Variants in COL2A1 observed in about 807,000 individuals in gnomAD.
COL2A1 encodes the protein collagen alpha-1(II) chain.
COL2A1 carries 28 observed loss-of-function variants against 204.5 expected under a neutral mutation model. The ratio of observed to expected loss-of-function variants is 0.14; its 90% CI spans 0.10 to 0.19. The LOEUF (loss-of-function observed/expected upper bound fraction) is 0.19, where lower values mean the gene tolerates loss of function less well. COL2A1 is among the 10% of genes least tolerant of loss of function. The pLI, the probability that COL2A1 is intolerant of heterozygous loss-of-function variation, is 1.00. For synonymous variants in COL2A1, 708 were observed against 718.7 expected (o/e 0.99, Z 0.24); for missense variants, 1,388 against 2,027.5 (o/e 0.68, Z 6.06).
At chr12:47,995,992 C>T in intron 8 of COL2A1, 73 bp from the exon 9 acceptor site, 1 of 1,216,602 alleles carries the variant, frequency 8.2e-7, no homozygotes, top group Non-Finnish European at 1.2e-6. Flanking sequence ...CATCTTCTCC[C>T]AGCCAACAGC....
At position 47,997,672 on chromosome 12, in the gene COL2A1, A is replaced by G; in HGVS notation, c.465T>C (p.Pro155=). The G allele has an allele frequency of 6.2e-7, 1 of 1,614,100 alleles. No homozygotes were observed. Among genetic ancestry groups the G allele is most frequent in the Non-Finnish European group, 8.5e-7 (1 of 1,180,002 alleles). ...APGPRGRDGE[P]GTPGNPGPPG... is the part of the protein sequence containing the mutation. ...GGGGGCCAGGATTTCCAGGGGTCCC[A>G]GGTTCTCCATCTCTGCCACGAGGTC... The change falls in exon 7 of 54, where the codon CCT becomes CCC. Residue 155 remains proline (P), a synonymous_variant. Transcript: ENST00000380518.
At chr12:47,988,569 T>G (rs1939549459) in intron 18 of COL2A1, 1 of 158,774 alleles carries the variant, frequency 6.3e-6, no homozygotes, top group Admixed American at 5.9e-5. Context: ...CTCCGGGACC[T>G]CAGACACTGT....
At chr12:47,984,274 C>T (rs1231072096) in intron 28 of COL2A1, 134 bp from the exon 29 acceptor site, 8 of 851,892 alleles carry the variant, frequency 9.4e-6, no homozygotes, top group East Asian at 2.6e-5. Context: ...TCCATTTCCA[C>T]ACCTTCCCCT....
At chr12:48,002,375 A>G (rs2136645363) in intron 1 of COL2A1, among the ~76,000 whole-genome samples, 1 of 152,328 alleles carries the variant, frequency 6.6e-6, no homozygotes, top group South Asian at 2.1e-4. Context: ...CCTGACGTCC[A>G]CGCAGACTGC....
rs1793911 is a variant in COL2A1, at chr12:47,993,274, G to C, written c.969+184C>G. 0.49 allele frequency among the ~76,000 whole-genome samples: 75,025 copies of C among 151,958 alleles called. 18,844 individuals carry two copies. The highest frequency in any genetic ancestry group is 0.58 in the East Asian group (2,993 of 5,156). ...GAGCATCTTTAGTGTGATAAAATGG[G>C]TATCTTAAGGAAATGTTGGTGAAAT... On this transcript the variant is annotated intron_variant, in intron 15 of 53. Coordinates refer to ENST00000380518, the MANE Select transcript of COL2A1 (RefSeq NM_001844.5).
intron 2 of COL2A1, among the ~76,000 whole-genome samples, chr12:47,999,349 C>T (rs1481602031): frequency 1.3e-5 from 2 of 152,324 alleles, no homozygotes; most frequent in South Asian, 2.1e-4. Context: ...TAGCCCTTCC[C>T]TCTCCTATTA....
intron 52 of COL2A1, 136 bp from the exon 53 acceptor site, chr12:47,974,467 T>C (rs1938591910): frequency 2.9e-6 from 4 of 1,358,496 alleles, no homozygotes; most frequent in Non-Finnish European, 4.1e-6. Flanking sequence ...TTGGACATTT[T>C]TGCTTCCAGG....
Position 47,973,567 on chromosome 12 carries a change from A to T in COL2A1, c.4318-14T>A, listed in dbSNP as rs1157651572. 1.2e-6 allele frequency: 2 copies of T among 1,613,862 alleles called. No homozygotes were observed. Among genetic ancestry groups the T allele is most frequent in the Admixed American group, 1.7e-5 (1 of 59,978 alleles). On this transcript the variant is annotated splice_polypyrimidine_tract_variant and intron_variant, in intron 53 of 53. Coordinates refer to ENST00000380518, the MANE Select transcript of COL2A1 (RefSeq NM_001844.5). The stretch of plus-strand genomic sequence containing the variant: ...ACCGGTATGTTTCTAGGGGAGAAAA[A>T]AGGAGGAGGCTCTGTTCAGTAGATG...
At chr12:47,986,551 G>GT (rs548290809) in intron 22 of COL2A1, 108 bp from the exon 23 acceptor site, 2 of 775,628 alleles carry the variant, frequency 2.6e-6, no homozygotes, top group Non-Finnish European at 4.3e-6. Context: ...TCAGGGCTGG[G>GT]GGGGGGCTTG....
At chr12:47,990,573 C>T (rs1377661275) in intron 16 of COL2A1, among the ~76,000 whole-genome samples, 2 of 152,190 alleles carry the variant, frequency 1.3e-5, no homozygotes, top group Non-Finnish European at 2.9e-5. Flanking sequence ...TCCTCTGGCC[C>T]ATCCCCAGAC....
At chr12:47,985,279 G>T (rs1041781652) in intron 26 of COL2A1, among the ~76,000 whole-genome samples, 186 bp from the exon 27 acceptor site, 52 of 152,248 alleles carry the variant, frequency 3.4e-4, no homozygotes, top group Admixed American at 3.0e-3. Context: ...TTAGAAAGCT[G>T]CCCCAGAAAG....
chr12:47,996,249 C>T (rs1184023656), intron 8 of COL2A1, among the ~76,000 whole-genome samples: 1 of 152,236 alleles, frequency 6.6e-6, no homozygotes, highest in Non-Finnish European at 1.5e-5. Flanking sequence ...AGAACAGTAG[C>T]TGCTGTCTGC....
rs41317885 is a variant in COL2A1, at chr12:47,996,433, C to T, written c.609+115G>A. On this transcript the variant is annotated intron_variant, in intron 8 of 53. Transcript: ENST00000380518. Reference sequence around the variant, plus strand: ...AGCTGAATGGGAGGTTACATAACTACGGAGGAGAGCCACTCTAAGCAATTA... The same window carrying T: ...AGCTGAATGGGAGGTTACATAACTATGGAGGAGAGCCACTCTAAGCAATTA... The T allele has an allele frequency of 2.7e-3, 2,513 of 920,232 alleles. 45 individuals carry two copies. The African/African-American group carries it at 0.034, about 12-fold the overall frequency. 57.0% of individuals were successfully genotyped at this position (920,232 alleles called of 1,614,324 possible).
chr12:47,996,488 G>A, intron 8 of COL2A1, 60 bp downstream of exon 8: 1 of 1,353,420 alleles, frequency 7.4e-7, no homozygotes, highest in Middle Eastern at 1.8e-4. Context: ...CAGACTCTCT[G>A]GCTCTGCTAA....
At position 47,981,796 on chromosome 12, in the gene COL2A1, C is replaced by G; in HGVS notation, c.2389G>C (p.Ala797Pro). 1.3e-6 allele frequency: 2 copies of G among 1,554,570 alleles called. No individual in the cohort carries two copies. The highest frequency in any genetic ancestry group is 1.7e-6 in the Non-Finnish European group (2 of 1,148,638). The change falls in exon 36 of 54, where the codon GCT (alanine) becomes CCT (proline). Residue 797 changes from alanine to proline, a missense_variant. Physicochemically the swap from Ala to Pro is conservative, Grantham distance 27 (BLOSUM62 -1). This residue lies in a region of COL2A1 where 884 missense variants were observed against 1,415.8 expected (regional missense o/e 0.62). Coordinates refer to ENST00000380518, the MANE Select transcript of COL2A1 (RefSeq NM_001844.5). The stretch of plus-strand genomic sequence containing the variant: ...CTCACCTTCTCGCCATTAGCACCAG[C>G]TGGGCCAGGGGGGCCAATGGGACCT... Reference protein sequence around the residue: ...LTGPIGPPGPAGANGEKGEVG... With the variant: ...LTGPIGPPGPPGANGEKGEVG...
At position 47,974,446 on chromosome 12, in the gene COL2A1, C is replaced by T; in HGVS notation, c.4075-115G>A. On this transcript the variant is annotated intron_variant, in intron 52 of 53. Transcript: ENST00000380518. ...AAGGACCTCAAGGGTACTGGGGCAG[C>T]AGGGAGCTAGTTGGACATTTTTGCT... 5.6e-6 allele frequency: 8 copies of T among 1,437,700 alleles called. No homozygotes were observed. The South Asian group carries it at 1.0e-4, about 18-fold the overall frequency. The allele number at this position is 1,437,700 out of a possible 1,614,324, so 89.1% of individuals were successfully genotyped here.
intron 28 of COL2A1, 46 bp downstream of exon 28, chr12:47,984,500 A>G (rs1335972252): frequency 6.2e-7 from 1 of 1,601,098 alleles, no homozygotes; most frequent in Non-Finnish European, 8.6e-7. Context: ...CTCCCTGCAG[A>G]TGCCCGGCCA....
intron 33 of COL2A1, 44 bp from the exon 34 acceptor site, chr12:47,982,653 T>C: frequency 7.0e-7 from 1 of 1,424,038 alleles, no homozygotes; most frequent in Non-Finnish European, 9.7e-7. Flanking sequence ...ACAGCACCTC[T>C]CCCTGAACCC....
chr12:47,988,830 C>T (rs997924305), intron 18 of COL2A1, among the ~76,000 whole-genome samples: 4 of 152,232 alleles, frequency 2.6e-5, no homozygotes, highest in Non-Finnish European at 5.9e-5. Context: ...TGCCTGTGCC[C>T]TTTTCCCTGC....
Sources: allele counts gnomAD v4.1 joint callset (sites outside exome capture counted in the v4.1 genomes callset), GRCh38; gene constraint gnomAD v4.1.1; regional missense constraint gnomAD v4.1.1; transcripts MANE v1.5; gene names NCBI Gene and HGNC (gene_info 2026-07-23, HGNC 2026-07-21).